The following TENM4 variants were observed in gnomAD, a reference collection of about 807,000 sequenced individuals.
The protein encoded by TENM4 is teneurin-4.
TENM4 carries 82 observed loss-of-function variants against 243.3 expected under a neutral mutation model. The ratio of observed to expected loss-of-function variants is 0.34; its 90% CI spans 0.28 to 0.40. The LOEUF (loss-of-function observed/expected upper bound fraction) is 0.40, where lower values mean the gene tolerates loss of function less well. Among genes scored for constraint, TENM4 ranks in the 10% least tolerant of loss-of-function variants. TENM4 has a pLI of 1.00. For synonymous variants in TENM4, 1,412 were observed against 1,456.3 expected (o/e 0.97, Z 0.69); for missense variants, 3,138 against 3,673.3 (o/e 0.85, Z 3.77).
chr11:78,878,881 A>C (rs1859338181), intron 9 of TENM4, among the ~76,000 whole-genome samples: 1 of 152,266 alleles, frequency 6.6e-6, no homozygotes, highest in African/African-American at 2.4e-5. Context: ...ATAATGCCAA[A>C]GAACTGGAAA....
intron 2 of TENM4, among the ~76,000 whole-genome samples, chr11:79,251,251 C>T (rs753858952): frequency 6.6e-6 from 1 of 152,162 alleles, no homozygotes; most frequent in African/African-American, 2.4e-5. Flanking sequence ...GGAAGGGTTT[C>T]CTCCCTCCAT....
intron 2 of TENM4, among the ~76,000 whole-genome samples, chr11:79,219,126 A>C (rs1354273994): frequency 6.6e-6 from 1 of 152,232 alleles, no homozygotes; most frequent in African/African-American, 2.4e-5. Context: ...ACTGCCTTGC[A>C]GCAGACTTTG....
intron 6 of TENM4, among the ~76,000 whole-genome samples, chr11:79,030,273 A>G (rs1174707751): frequency 6.6e-6 from 1 of 152,118 alleles, no homozygotes; most frequent in Non-Finnish European, 1.5e-5. Flanking sequence ...TCATATATAT[A>G]AAGGGAAATT....
At chr11:79,222,274 G>A (rs2135241365) in intron 2 of TENM4, among the ~76,000 whole-genome samples, 1 of 152,292 alleles carries the variant, frequency 6.6e-6, no homozygotes, top group Admixed American at 6.5e-5. Context: ...CTGTTCCTGT[G>A]TTAGTTTGCT....
chr11:78,785,643 G>A (rs1039439544), intron 16 of TENM4, among the ~76,000 whole-genome samples: 3 of 152,144 alleles, frequency 2.0e-5, no homozygotes, highest in Admixed American at 1.3e-4. Context: ...CTCTCGGCAC[G>A]TTGTGAATAC....
At chr11:78,661,836 G>A (rs1051535215) in intron 32 of TENM4, among the ~76,000 whole-genome samples, 10 of 152,212 alleles carry the variant, frequency 6.6e-5, no homozygotes, top group East Asian at 3.9e-4. Flanking sequence ...CCAGGTTTCC[G>A]GACTTCCTTT....
chr11:79,433,026 C>A (rs1255154468), intron 1 of TENM4, among the ~76,000 whole-genome samples: 2 of 152,200 alleles, frequency 1.3e-5, no homozygotes, highest in Non-Finnish European at 2.9e-5. Flanking sequence ...TGCCCCTCTG[C>A]ACTTTATTTC....
chr11:78,799,643 G>A (rs1857239406), intron 15 of TENM4, among the ~76,000 whole-genome samples: 1 of 152,194 alleles, frequency 6.6e-6, no homozygotes, highest in African/African-American at 2.4e-5. Context: ...ATCTAGCCTG[G>A]TCCTACTCCA....
intron 6 of TENM4, among the ~76,000 whole-genome samples, chr11:78,933,154 T>C (rs1265866531): frequency 6.6e-6 from 1 of 152,162 alleles, no homozygotes; most frequent in Non-Finnish European, 1.5e-5. Flanking sequence ...GCTTCCTGGC[T>C]GCATCTGAGG....
chr11:78,749,720 C>T (rs1298184243), intron 19 of TENM4, among the ~76,000 whole-genome samples: 1 of 152,110 alleles, frequency 6.6e-6, no homozygotes, highest in Non-Finnish European at 1.5e-5. Context: ...TTCCTGGAAG[C>T]TTTGTGCCTT....
At chr11:79,201,783 T>C (rs970454111) in intron 3 of TENM4, among the ~76,000 whole-genome samples, 1 of 152,294 alleles carries the variant, frequency 6.6e-6, no homozygotes, top group Admixed American at 6.5e-5. Flanking sequence ...GAAACCACTG[T>C]AGGGTTTTCA....
At chr11:78,882,921 A>G (rs1855462727) in intron 9 of TENM4, among the ~76,000 whole-genome samples, 1 of 152,206 alleles carries the variant, frequency 6.6e-6, no homozygotes, top group African/African-American at 2.4e-5. Flanking sequence ...AAAAATGCAG[A>G]TGCAACCTAA....
chr11:78,882,243 T>C (rs1855448458), intron 9 of TENM4, among the ~76,000 whole-genome samples: 1 of 152,150 alleles, frequency 6.6e-6, no homozygotes, highest in Non-Finnish European at 1.5e-5. Flanking sequence ...TGGAAATGAA[T>C]GGGTGTTGGG....
intron 2 of TENM4, among the ~76,000 whole-genome samples, chr11:79,280,234 T>C (rs956379019): frequency 2.6e-5 from 4 of 152,120 alleles, no homozygotes; most frequent in Non-Finnish European, 5.9e-5. Context: ...AGCTTTTCCT[T>C]CTCCTTCCCT....
chr11:78,953,907 C>T (rs1334376838), intron 6 of TENM4, among the ~76,000 whole-genome samples: 2 of 152,224 alleles, frequency 1.3e-5, no homozygotes, highest in African/African-American at 2.4e-5. Context: ...CCCAAGACTA[C>T]ACAGCACAGA....
chr11:79,327,649 CTTTTTT>C (rs11408549), intron 1 of TENM4, among the ~76,000 whole-genome samples: 1 of 119,808 alleles, frequency 8.3e-6, no homozygotes. Flanking sequence ...AATTGGAAAG[CTTTTTT>C]TTTTTTTTTT....
At chr11:79,138,675 TAC>T (rs1488819454) in intron 4 of TENM4, among the ~76,000 whole-genome samples, 20 of 97,652 alleles carry the variant, frequency 2.0e-4, no homozygotes, top group Non-Finnish European at 3.5e-4. Context: ...TTTATATAAA[TAC>T]ATAAAACATA....
At chr11:79,212,628 C>T (rs892857776) in intron 3 of TENM4, among the ~76,000 whole-genome samples, 1 of 152,174 alleles carries the variant, frequency 6.6e-6, no homozygotes, top group Non-Finnish European at 1.5e-5. Flanking sequence ...CGGTGACTCA[C>T]AGGGGTCATC....
chr11:78,912,078 A>G (rs753698644), intron 6 of TENM4, among the ~76,000 whole-genome samples: 2 of 152,214 alleles, frequency 1.3e-5, no homozygotes, highest in Non-Finnish European at 2.9e-5. Flanking sequence ...GGGGCCTGGC[A>G]TGAGTGAGCA....
Sources: gnomAD v4.1 joint callset for allele counts (sites outside exome capture counted in the v4.1 genomes callset) on GRCh38, gnomAD v4.1.1 for gene constraint, MANE v1.5 for transcripts, NCBI Gene and HGNC (gene_info 2026-07-23, HGNC 2026-07-21) for gene names.